ATXN1: variants seen among roughly 807,000 people sequenced by gnomAD.
ATXN1 encodes ataxin-1.
A neutral mutation model predicts 56.4 loss-of-function variants in ATXN1; 8 were observed. The observed-to-expected ratio is 0.14, with a 90% CI of 0.08 to 0.26. The LOEUF is 0.26. ATXN1 is among the 10% of genes least tolerant of loss of function. ATXN1 has a pLI of 1.00. For synonymous variants in ATXN1, 514 were observed against 494.6 expected (o/e 1.04, Z -0.52); for missense variants, 987 against 1,106.5 (o/e 0.89, Z 1.53).
intron 6 of ATXN1, among the ~76,000 whole-genome samples, chr6:16,467,335 G>A (rs749563862): frequency 6.6e-6 from 1 of 152,250 alleles, no homozygotes; most frequent in Non-Finnish European, 1.5e-5. Flanking sequence ...CGATGTGGCC[G>A]GGAGTTAGCA....
In ATXN1 at chr6:16,306,101, C is replaced by G; in HGVS notation, c.*228G>C. On this transcript the variant is annotated 3_prime_UTR_variant, in exon 8 of 8. Coordinates refer to ENST00000436367, the MANE Select transcript of ATXN1 (RefSeq NM_001128164.2). The surrounding 1 kb of genome is among the most constrained non-coding windows in gnomAD (Gnocchi z 5.2). ...CCCCGGGGATGCCTGGAGCCCTGAC[C>G]GCTCCTGCTGTGCCCTTCCTCCCGC... The G allele has an allele frequency of 2.3e-6, 1 of 438,214 alleles. No homozygotes were observed. The highest frequency in any genetic ancestry group is 2.6e-5 in the South Asian group (1 of 39,182). 27.1% of individuals were successfully genotyped at this position (438,214 alleles called of 1,614,324 possible).
At chr6:16,332,571 A>G (rs1761017704) in intron 6 of ATXN1, among the ~76,000 whole-genome samples, 1 of 152,182 alleles carries the variant, frequency 6.6e-6, no homozygotes, top group African/African-American at 2.4e-5. Context: ...TCTTCCAAAC[A>G]TGGGGCCATG....
intron 2 of ATXN1, among the ~76,000 whole-genome samples, chr6:16,700,478 C>T (rs934121343): frequency 6.6e-6 from 1 of 152,064 alleles, no homozygotes; most frequent in Non-Finnish European, 1.5e-5. Context: ...AAGAGGAGAG[C>T]CAAGTTTAAT....
At chr6:16,725,440 C>T (rs561878232) in intron 2 of ATXN1, among the ~76,000 whole-genome samples, 5 of 152,124 alleles carry the variant, frequency 3.3e-5, no homozygotes, top group African/African-American at 4.8e-5. Flanking sequence ...TGACTCACTG[C>T]TAAAGACATG....
chr6:16,547,620 T>C (rs1334167969), intron 4 of ATXN1, among the ~76,000 whole-genome samples: 1 of 152,190 alleles, frequency 6.6e-6, no homozygotes, highest in South Asian at 2.1e-4. Context: ...CAGGGCTGGT[T>C]CCTTCCAGGA....
At position 16,329,014 on chromosome 6, in the gene ATXN1, GC is replaced by G. The variant is rs142031988; in HGVS notation, c.-160-545del. On this transcript the variant is annotated intron_variant, in intron 6 of 7. Coordinates refer to ENST00000436367, the MANE Select transcript of ATXN1 (RefSeq NM_001128164.2). ...TAAAGGAAGATTATGAAGACACTGG[GC>G]AAGTGAACACTGTAACACATATATT... Among the ~76,000 whole-genome samples, 1,472 of 152,180 alleles carry G rather than the reference GC, an allele frequency of 9.7e-3. 23 individuals carry two copies. Among genetic ancestry groups the G allele is most frequent in the African/African-American group, 0.034 (1,404 of 41,490 alleles).
chr6:16,624,102 G>A (rs185897300), intron 3 of ATXN1, among the ~76,000 whole-genome samples: 20 of 152,294 alleles, frequency 1.3e-4, no homozygotes, highest in African/African-American at 4.8e-4. Flanking sequence ...TGTAATCCCA[G>A]CACTTTGGGA....
chr6:16,343,057 T>C (rs1442148269), intron 6 of ATXN1, among the ~76,000 whole-genome samples: 1 of 152,186 alleles, frequency 6.6e-6, no homozygotes, highest in African/African-American at 2.4e-5. Context: ...AAAATAAGTA[T>C]GTCATGGCTG....
intron 6 of ATXN1, among the ~76,000 whole-genome samples, chr6:16,392,392 A>G (rs1184612395): frequency 1.3e-5 from 2 of 152,192 alleles, no homozygotes; most frequent in Non-Finnish European, 2.9e-5. Context: ...AAGTGTTTCT[A>G]AAGTGGCCTG....
chr6:16,476,813 T>C (rs1276609148), intron 6 of ATXN1, among the ~76,000 whole-genome samples: 3 of 152,248 alleles, frequency 2.0e-5, no homozygotes, highest in African/African-American at 7.2e-5. Flanking sequence ...AGATCTTCAC[T>C]ACCAGCCCTT....
intron 3 of ATXN1, among the ~76,000 whole-genome samples, chr6:16,611,849 A>ATTTTTTTTTTTTTTT (rs369870821): frequency 1.5e-4 from 11 of 75,178 alleles, no homozygotes; most frequent in Non-Finnish European, 2.4e-4. Context: ...AGCAGATGAA[A>ATTTTTTTTTTTTTTT]TTTTTTTTTT....
intron 6 of ATXN1, among the ~76,000 whole-genome samples, chr6:16,436,364 A>C (rs757934316): frequency 7.9e-5 from 12 of 152,210 alleles, no homozygotes; most frequent in Non-Finnish European, 1.3e-4. Context: ...GACACCCCCA[A>C]CAACAAATAA....
At chr6:16,525,824 T>A (rs1257655169) in intron 4 of ATXN1, among the ~76,000 whole-genome samples, 1 of 150,618 alleles carries the variant, frequency 6.6e-6, no homozygotes, top group African/African-American at 2.4e-5. Context: ...TAAAAAAAAA[T>A]TACAGGACTA....
chr6:16,708,536 G>A (rs897397399), intron 2 of ATXN1, among the ~76,000 whole-genome samples: 1 of 152,114 alleles, frequency 6.6e-6, no homozygotes, highest in African/African-American at 2.4e-5. Context: ...GCAAGACCTC[G>A]GCTGAAGTCT....
intron 6 of ATXN1, among the ~76,000 whole-genome samples, chr6:16,431,102 G>T (rs752496708): frequency 6.6e-6 from 1 of 152,222 alleles, no homozygotes; most frequent in African/African-American, 2.4e-5. Flanking sequence ...GGGAAGGAGG[G>T]TCTGTGCAGA....
At chr6:16,544,475 G>C (rs1159936527) in intron 4 of ATXN1, among the ~76,000 whole-genome samples, 1 of 152,188 alleles carries the variant, frequency 6.6e-6, no homozygotes, top group Non-Finnish European at 1.5e-5. Flanking sequence ...CCTGGGTGTA[G>C]CTACAATCAT....
At chr6:16,416,276 C>T (rs1454356105) in intron 6 of ATXN1, among the ~76,000 whole-genome samples, 3 of 152,096 alleles carry the variant, frequency 2.0e-5, no homozygotes, top group Non-Finnish European at 4.4e-5. Flanking sequence ...AGAAGGATCT[C>T]TCAATATAGA....
chr6:16,343,467 C>T (rs1022301828), intron 6 of ATXN1, among the ~76,000 whole-genome samples: 1 of 152,154 alleles, frequency 6.6e-6, no homozygotes, highest in Admixed American at 6.5e-5. Context: ...CTCTGAGATA[C>T]CTGCTGGCAT....
intron 6 of ATXN1, among the ~76,000 whole-genome samples, chr6:16,484,457 TA>T (rs778102679): frequency 7.9e-5 from 12 of 151,748 alleles, no homozygotes; most frequent in Non-Finnish European, 1.6e-4. Context: ...AAAATGAAAA[TA>T]AGGTAGTATG....
Sources: allele counts gnomAD v4.1 joint callset (sites outside exome capture counted in the v4.1 genomes callset), GRCh38; gene constraint gnomAD v4.1.1; non-coding constraint Gnocchi (gnomAD v3.1); transcripts MANE v1.5; gene names NCBI Gene and HGNC (gene_info 2026-07-23, HGNC 2026-07-21).